Variants in CYYR1 observed in about 807,000 individuals in gnomAD.
CYYR1 encodes the protein cysteine and tyrosine-rich protein 1.
In CYYR1, 14 loss-of-function variants were observed where a neutral mutation model predicts 15.2. That is an observed-to-expected ratio of 0.92 (90% CI 0.61 to 1.44). The LOEUF is 1.44. Ranked by LOEUF, CYYR1 falls within the 40% of genes most tolerant of loss-of-function variation. The probability of loss-of-function intolerance (pLI) is 0.00; values close to 1 mark genes in which losing one functional copy is unlikely to be tolerated. For missense variants in CYYR1, 228 were observed against 209.5 expected, an observed-to-expected ratio of 1.09 and a Z score of -0.54; for synonymous variants, 80 against 77.4, an observed-to-expected ratio of 1.03 and a Z score of -0.18.
At chr21:26,554,433 G>T (rs1245598987) in intron 2 of CYYR1, among the ~76,000 whole-genome samples, 5 of 152,122 alleles carry the variant, frequency 3.3e-5, no homozygotes, top group Non-Finnish European at 7.4e-5. Context: ...AGCCAGCCTA[G>T]GGTAACATGG....
chr21:26,470,995 A>G (rs1007137729), intron 3 of CYYR1: 6 of 152,198 alleles, frequency 3.9e-5, no homozygotes, highest in African/African-American at 1.2e-4. Context: ...GAGGATGCAT[A>G]TATACAGTTT....
At chr21:26,528,526 C>T (rs2065892703) in intron 2 of CYYR1, among the ~76,000 whole-genome samples, 5 of 152,152 alleles carry the variant, frequency 3.3e-5, no homozygotes, top group South Asian at 2.1e-4. Context: ...TTGCCTTTTG[C>T]CATGAGTGGA....
chr21:26,522,910 T>C (rs2065819166), intron 2 of CYYR1, among the ~76,000 whole-genome samples: 1 of 152,114 alleles, frequency 6.6e-6, no homozygotes, highest in Non-Finnish European at 1.5e-5. Flanking sequence ...CATGAAAGCG[T>C]GAATGTTCAG....
In CYYR1 at chr21:26,468,256, T is replaced by A. The variant is rs2064991768; in HGVS notation, c.*245A>T. On this transcript the variant is annotated 3_prime_UTR_variant, in exon 4 of 4. Transcript: ENST00000652641. Reference sequence around the variant, plus strand: ...CAATTACATTACTCTTCCCTGAATGTGCTTAGGTGGATCAGCAGATCTCTT... The same window carrying A: ...CAATTACATTACTCTTCCCTGAATGAGCTTAGGTGGATCAGCAGATCTCTT... 1 of 514,904 alleles carries A rather than the reference T, an allele frequency of 1.9e-6. No homozygotes were observed. The highest frequency in any genetic ancestry group is 3.5e-6 in the Non-Finnish European group (1 of 283,068). The allele number at this position is 514,904 out of a possible 1,614,324, so 31.9% of individuals were successfully genotyped here. A position where few individuals can be genotyped will look rare whatever the true frequency, so the allele number is the denominator to read the frequency against.
chr21:26,477,274 T>C (rs536164050), intron 3 of CYYR1, among the ~76,000 whole-genome samples: 22 of 152,326 alleles, frequency 1.4e-4, no homozygotes, highest in Non-Finnish European at 2.6e-4. Context: ...AATAGTATTA[T>C]GTGTTGCTTC....
At chr21:26,483,504 GAGATCAGACCATAGATCTT>G in intron 2 of CYYR1, 1 of 789,870 alleles carries the variant, frequency 1.3e-6, no homozygotes, top group Non-Finnish European at 1.5e-6. Context: ...AGGACAAACT[GAGATCAGACCATAGATCTT>G]TTCCTTGGGG....
intron 2 of CYYR1, among the ~76,000 whole-genome samples, chr21:26,536,716 T>C (rs758340852): frequency 6.6e-6 from 1 of 152,190 alleles, no homozygotes; most frequent in Non-Finnish European, 1.5e-5. Context: ...ATTGGAAATA[T>C]CTATGCCTCT....
chr21:26,541,474 A>G (rs2123648095), intron 2 of CYYR1, among the ~76,000 whole-genome samples: 1 of 152,310 alleles, frequency 6.6e-6, no homozygotes, highest in South Asian at 2.1e-4. Flanking sequence ...AAAGTGCCAA[A>G]TGAAAGCAAC....
At chr21:26,521,630 T>C (rs1295137141) in intron 2 of CYYR1, among the ~76,000 whole-genome samples, 1 of 152,218 alleles carries the variant, frequency 6.6e-6, no homozygotes, top group Non-Finnish European at 1.5e-5. Context: ...CTGCTACCTC[T>C]ATTGAACTCT....
intron 2 of CYYR1, among the ~76,000 whole-genome samples, chr21:26,520,293 A>G (rs1451899909): frequency 2.6e-5 from 4 of 151,370 alleles, no homozygotes; most frequent in East Asian, 2.0e-4. Context: ...TGAGTTTTCA[A>G]TGTTCAACTC....
At chr21:26,554,674 C>A (rs1979643680) in intron 2 of CYYR1, among the ~76,000 whole-genome samples, 1 of 152,124 alleles carries the variant, frequency 6.6e-6, no homozygotes, top group Admixed American at 6.5e-5. Context: ...CAGCCTGTGA[C>A]CAGAAGTGAC....
intron 3 of CYYR1, among the ~76,000 whole-genome samples, chr21:26,479,501 A>G (rs1185377192): frequency 6.6e-6 from 1 of 152,172 alleles, no homozygotes; most frequent in Non-Finnish European, 1.5e-5. Context: ...CAAATTGTAC[A>G]TGCACAGATT....
intron 3 of CYYR1, among the ~76,000 whole-genome samples, chr21:26,469,624 A>G (rs1389557715): frequency 6.6e-6 from 1 of 152,142 alleles, no homozygotes; most frequent in Non-Finnish European, 1.5e-5. Context: ...TCATTTCTTT[A>G]TGCTGGGAAC....
At chr21:26,486,968 A>G (rs1009262206) in intron 2 of CYYR1, among the ~76,000 whole-genome samples, 1 of 152,110 alleles carries the variant, frequency 6.6e-6, no homozygotes, top group African/African-American at 2.4e-5. Flanking sequence ...TTATAAAACT[A>G]TAAATCAAAG....
Position 26,572,921 on chromosome 21 carries a change from G to T in CYYR1, c.20C>A (p.Pro7His). MDAPRL[P>H]VRPGVLLPKL... is the part of the protein sequence containing the mutation. ...CGGAAGCAAGACCCCTGGACGCACG[G>T]GTAGCCTCGGAGCGTCCATCCAAGC... The change falls in exon 1 of 4, where the codon CCC becomes CAC. Residue 7 changes from proline (P) to histidine (H), a missense_variant. Physicochemically the swap from Pro to His is moderately conservative, Grantham distance 77 (BLOSUM62 -2). Coordinates refer to ENST00000652641, the MANE Select transcript of CYYR1 (RefSeq NM_001320768.2). 2.5e-6 allele frequency: 4 copies of T among 1,614,056 alleles called. No individual in the cohort carries two copies. Among genetic ancestry groups the T allele is most frequent in the Non-Finnish European group, 3.4e-6 (4 of 1,180,020 alleles).
intron 2 of CYYR1, among the ~76,000 whole-genome samples, chr21:26,547,776 C>T (rs1979074396): frequency 8.8e-6 from 1 of 113,954 alleles, no homozygotes; most frequent in Non-Finnish European, 1.7e-5. Flanking sequence ...AATTCTATTT[C>T]TACTTTTTTT....
At chr21:26,525,582 T>A (rs1404386672) in intron 2 of CYYR1, among the ~76,000 whole-genome samples, 1 of 152,230 alleles carries the variant, frequency 6.6e-6, no homozygotes, top group Non-Finnish European at 1.5e-5. Flanking sequence ...TTTTGATCCC[T>A]GTAACTTTAT....
intron 2 of CYYR1, among the ~76,000 whole-genome samples, chr21:26,555,730 A>C (rs991609243): frequency 6.6e-6 from 1 of 152,078 alleles, no homozygotes; most frequent in Non-Finnish European, 1.5e-5. Flanking sequence ...ACCCTCTGAA[A>C]TTTTCATTAG....
chr21:26,544,968 G>C (rs1316849611), intron 2 of CYYR1, among the ~76,000 whole-genome samples: 1 of 151,620 alleles, frequency 6.6e-6, no homozygotes, highest in African/African-American at 2.4e-5. Flanking sequence ...AAACAAAAAA[G>C]AAAAAGATAA....
Sources: gnomAD v4.1 joint callset for allele counts (sites outside exome capture counted in the v4.1 genomes callset) on GRCh38, gnomAD v4.1.1 for gene constraint, MANE v1.5 for transcripts, NCBI Gene and HGNC (gene_info 2026-07-23, HGNC 2026-07-21) for gene names.